Variants in HECTD4 observed in about 807,000 individuals in gnomAD.
HECTD4 encodes HECT domain E3 ubiquitin protein ligase 4, also known as probable E3 ubiquitin-protein ligase HECTD4.
Under a neutral mutation model 471.5 loss-of-function variants are expected in HECTD4, and 114 were observed. The ratio of observed to expected loss-of-function variants is 0.24; its 90% CI spans 0.21 to 0.28. HECTD4 has a LOEUF of 0.28. Ranked by LOEUF, HECTD4 falls within the 10% of genes least tolerant of loss-of-function variation. The pLI, the probability that HECTD4 is intolerant of heterozygous loss-of-function variation, is 1.00. For synonymous variants in HECTD4, 2,012 were observed against 2,256.0 expected (o/e 0.89, Z 3.07); for missense variants, 3,866 against 5,651.5 (o/e 0.68, Z 10.13).
intron 48 of HECTD4, among the ~76,000 whole-genome samples, chr12:112,214,691 C>T (rs1398032992): frequency 6.6e-6 from 1 of 152,104 alleles, no homozygotes. Flanking sequence ...TGAAAACGCT[C>T]CCCCAGCCTA....
intron 1 of HECTD4, among the ~76,000 whole-genome samples, chr12:112,369,933 G>A (rs963598088): frequency 2.0e-5 from 3 of 152,112 alleles, no homozygotes; most frequent in Middle Eastern, 3.2e-3. Context: ...GAATAATGGC[G>A]TCCACCAAAA....
At chr12:112,174,388 C>T (rs1566060541) in intron 66 of HECTD4, among the ~76,000 whole-genome samples, 1 of 151,640 alleles carries the variant, frequency 6.6e-6, no homozygotes, top group Non-Finnish European at 1.5e-5. Context: ...GCCTCAGCCT[C>T]CTGAGTAGCT....
In HECTD4 at chr12:112,163,823, G is replaced by A. The variant is rs2030809473; in HGVS notation, c.12702-86C>T. On this transcript the variant is annotated intron_variant, in intron 73 of 75. Coordinates refer to ENST00000682272, the MANE Select transcript of HECTD4 (RefSeq NM_001388303.1). The surrounding 1 kb of genome is among the most constrained non-coding windows in gnomAD (Gnocchi z 8.2). ...CACACCCACTCAGCTGGAGGTCCCG[G>A]ATCCTCTCTTGGGAGAGGCCTGGGG... The A allele has an allele frequency of 1.6e-6, 2 of 1,248,366 alleles. No homozygotes were observed. Among genetic ancestry groups the A allele is most frequent in the Admixed American group, 6.7e-5 (2 of 29,980 alleles). The allele number at this position is 1,248,366 out of a possible 1,614,324, so 77.3% of individuals were successfully genotyped here.
intron 1 of HECTD4, among the ~76,000 whole-genome samples, chr12:112,353,528 G>A (rs1395097883): frequency 6.6e-6 from 1 of 152,252 alleles, no homozygotes; most frequent in South Asian, 2.1e-4. Context: ...GAATAGAGAT[G>A]AGTCATTTTA....
At chr12:112,286,284 T>A (rs1352096418) in intron 7 of HECTD4, among the ~76,000 whole-genome samples, 2 of 152,180 alleles carry the variant, frequency 1.3e-5, no homozygotes, top group Non-Finnish European at 1.5e-5. Context: ...GTCCACATCA[T>A]CTCAAGAGAG....
intron 7 of HECTD4, among the ~76,000 whole-genome samples, chr12:112,291,821 A>G (rs955352885): frequency 1.3e-5 from 2 of 152,100 alleles, no homozygotes; most frequent in Admixed American, 6.5e-5. Context: ...GCAGTGAGCC[A>G]AGATTGCGCC....
chr12:112,227,100 A>C (rs551672082), intron 43 of HECTD4, among the ~76,000 whole-genome samples: 1 of 152,314 alleles, frequency 6.6e-6, no homozygotes, highest in East Asian at 1.9e-4. Context: ...GGGATTCAAA[A>C]AGTGGGAAAA....
chr12:112,355,414 C>T (rs2036318324), intron 1 of HECTD4, among the ~76,000 whole-genome samples: 1 of 146,922 alleles, frequency 6.8e-6, no homozygotes, highest in South Asian at 2.2e-4. Context: ...TAGGCTGATA[C>T]CGCGCCACTG....
chr12:112,252,694 C>G lies in HECTD4; in HGVS notation c.3448-166G>C, dbSNP rs867247747. ...ATTCTATTCCCTCTCATTTAGACAA[C>G]CAGTCCTTTAAGTGTCTCTCCTGAT... On this transcript the variant is annotated intron_variant, in intron 22 of 75. Transcript: ENST00000682272. 27 of 805,248 alleles carry G rather than the reference C, an allele frequency of 3.4e-5. No individual in the cohort carries two copies. The African/African-American group carries it at 4.6e-4, about 14-fold the overall frequency. The allele number at this position is 805,248 out of a possible 1,614,324, so 49.9% of individuals were successfully genotyped here.
intron 7 of HECTD4, among the ~76,000 whole-genome samples, chr12:112,291,950 A>T (rs1289848759): frequency 6.6e-6 from 1 of 152,170 alleles, no homozygotes; most frequent in Admixed American, 6.5e-5. Context: ...CAACCTACAC[A>T]TTATATACAT....
Position 112,203,627 on chromosome 12 carries a change from T to C in HECTD4, c.8406+9A>G, listed in dbSNP as rs746455909. 6.2e-7 allele frequency: 1 copy of C among 1,611,178 alleles called. No individual in the cohort carries two copies. The highest frequency in any genetic ancestry group is 1.1e-5 in the South Asian group (1 of 90,568). ...AATAGCTTATTAATCAGAATGGCTG[T>C]TCACTCACTGAATCAACATCTAAGA... On this transcript the variant is annotated intron_variant, in intron 54 of 75. Transcript: ENST00000682272.
chr12:112,248,554 T>C, intron 25 of HECTD4, 42 bp from the exon 26 acceptor site: 1 of 1,327,286 alleles, frequency 7.5e-7, no homozygotes. Context: ...TGCCATGCTC[T>C]CAGCTTCTCA....
At position 112,245,237 on chromosome 12, in the gene HECTD4, A is replaced by G. The variant is rs1218553131; in HGVS notation, c.4514-1228T>C. 2.0e-5 allele frequency among the ~76,000 whole-genome samples: 3 copies of G among 152,320 alleles called. No homozygotes were observed. In the East Asian group the frequency reaches 5.8e-4, roughly 29 times the overall value. The stretch of plus-strand genomic sequence containing the variant: ...AAGCCTGGTCTTGAACTCCTGGTGT[A>G]AGCGATCCTCCTGCCTTGGCCTCCC... On this transcript the variant is annotated intron_variant, in intron 29 of 75. Transcript: ENST00000682272.
Position 112,247,482 on chromosome 12 carries a change from T to C in HECTD4, c.4317A>G (p.Glu1439=). 6.5e-7 allele frequency: 1 copy of C among 1,538,332 alleles called. No individual in the cohort carries two copies. Among genetic ancestry groups the C allele is most frequent in the Non-Finnish European group, 8.8e-7 (1 of 1,137,216 alleles). Residue 1439 remains glutamate (E), a synonymous_variant, in exon 28 of 76, where the codon GAA becomes GAG. Coordinates refer to ENST00000682272, the MANE Select transcript of HECTD4 (RefSeq NM_001388303.1). ...CTAACCTCAGTGATAGGACCATGTTTTCAAGATCATTCCCATCAAAGGAGA... is the reference window on the plus strand; with the variant it reads ...CTAACCTCAGTGATAGGACCATGTTCTCAAGATCATTCCCATCAAAGGAGA... ...KEVSFDGNDL[E]NMVLSLREKF...
At chr12:112,283,837 A>C (rs1275921500) in intron 7 of HECTD4, among the ~76,000 whole-genome samples, 1 of 152,162 alleles carries the variant, frequency 6.6e-6, no homozygotes, top group Non-Finnish European at 1.5e-5. Context: ...GGTGCTTTGC[A>C]GTTCTTTCAT....
In HECTD4 at chr12:112,203,689, G is replaced by A. The variant is rs776708090; in HGVS notation, c.8353C>T (p.Arg2785Ter). Residue 2785 changes from arginine to a stop codon, truncating the protein, a stop_gained, in exon 54 of 76, where the codon CGA becomes TGA. Coordinates refer to ENST00000682272, the MANE Select transcript of HECTD4 (RefSeq NM_001388303.1). LOFTEE classifies it high-confidence loss of function. ...AGCCCAAAGGTTTTCAGCATCCCTCGGATGGCAAATTTTGGCAGAGCAGTT... is the reference window on the plus strand; with the variant it reads ...AGCCCAAAGGTTTTCAGCATCCCTCAGATGGCAAATTTTGGCAGAGCAGTT... ...VGTALPKFAIRGMLKTFGLHG... is the reference protein window; with the variant it reads ...VGTALPKFAI 1 of 1,613,282 alleles carries A rather than the reference G, an allele frequency of 6.2e-7. No homozygotes were observed. Among genetic ancestry groups the A allele is most frequent in the East Asian group, 2.2e-5 (1 of 44,862 alleles).
intron 17 of HECTD4, among the ~76,000 whole-genome samples, 162 bp downstream of exon 17, chr12:112,263,922 T>C (rs7310858): frequency 0.096 from 14,637 of 152,038 alleles, 1,891 homozygotes; most frequent in East Asian, 0.62. Flanking sequence ...GACTACTGTG[T>C]AATGACATAA....
At chr12:112,167,782 G>A in intron 71 of HECTD4, 32 bp downstream of exon 71, 2 of 1,566,442 alleles carry the variant, frequency 1.3e-6, no homozygotes, top group Non-Finnish European at 1.8e-6. Context: ...ATGAGCTCGG[G>A]GGCGTGGAGC....
intron 54 of HECTD4, chr12:112,201,104 T>C (rs927414564): frequency 6.6e-6 from 3 of 456,520 alleles, no homozygotes; most frequent in African/African-American, 2.0e-5. Flanking sequence ...TCTTATTTTA[T>C]TTTTTTTGAG....
Sources: gnomAD v4.1 joint callset for allele counts (sites outside exome capture counted in the v4.1 genomes callset) on GRCh38, gnomAD v4.1.1 for gene constraint, Gnocchi (gnomAD v3.1) non-coding constraint, MANE v1.5 for transcripts, NCBI Gene and HGNC (gene_info 2026-07-23, HGNC 2026-07-21) for gene names.